The following DCAF4 variants were observed in gnomAD, a reference collection of about 807,000 sequenced individuals.
DCAF4 encodes the protein DDB1- and CUL4-associated factor 4.
Under a neutral mutation model 60.9 loss-of-function variants are expected in DCAF4, and 37 were observed. The observed-to-expected ratio is 0.61, with a 90% CI of 0.47 to 0.80. The LOEUF (loss-of-function observed/expected upper bound fraction) is 0.80. Ranked by LOEUF, DCAF4 falls within the 30% of genes least tolerant of loss-of-function variation. DCAF4 has a pLI of 0.00. For synonymous variants in DCAF4, 243 were observed against 254.8 expected (o/e 0.95, Z 0.44); for missense variants, 577 against 650.0 (o/e 0.89, Z 1.22).
rs1892154421 is a variant in DCAF4 at position 72,955,536 on chromosome 14, T to G, written c.1019T>G (p.Phe340Cys). 1.2e-6 allele frequency: 2 copies of G among 1,613,806 alleles called. No homozygotes were observed. The highest frequency in any genetic ancestry group is 1.1e-5 in the South Asian group (1 of 91,056). ...CTCTTTCCACAGGCTCCTCTGCTGT[T>G]TAATGGCTGCCGCTCTGGGGAAATC... Reference protein sequence around the residue: ...QQFALMAPLLFNGCRSGEIFA... With the variant: ...QQFALMAPLLCNGCRSGEIFA... The change falls in exon 12 of 14, where the codon TTT (phenylalanine) becomes TGT (cysteine). Residue 340 changes from phenylalanine (F) to cysteine (C), a missense_variant. By Grantham distance (205) the Phe-to-Cys change is radical. Coordinates refer to ENST00000358377, the MANE Select transcript of DCAF4 (RefSeq NM_015604.4).
chr14:72,955,661 G>C lies in DCAF4; in HGVS notation c.1144G>C (p.Glu382Gln). The C allele has an allele frequency of 1.2e-6, 2 of 1,614,092 alleles. No individual in the cohort carries two copies. Among genetic ancestry groups the C allele is most frequent in the Non-Finnish European group, 1.7e-6 (2 of 1,180,012 alleles). ...AVTSVRILQD[E>Q]QYLMASDMAG... ...GACCTCTGTGCGGATCCTCCAAGAT[G>C]AGCAATACCTGATGGCTTCAGACAT... The change falls in exon 12 of 14, where the codon GAG becomes CAG. Residue 382 changes from glutamate to glutamine, a missense_variant. Coordinates refer to ENST00000358377, the MANE Select transcript of DCAF4 (RefSeq NM_015604.4).
intron 1 of DCAF4, chr14:72,929,644 C>A: frequency 7.7e-7 from 1 of 1,304,156 alleles, no homozygotes; most frequent in Non-Finnish European, 1.1e-6. Flanking sequence ...TTCCTCATGG[C>A]AGCCAGTACC....
rs148641233 is a variant in DCAF4, at chr14:72,939,999, C to T, written c.193+97C>T. ...AAGGAATTCCAGGAGCAAATTGAAA[C>T]ACTCAGGGAAGGAGCTGGGTGCGTC... is the stretch of plus-strand genomic sequence containing the variant. On this transcript the variant is annotated intron_variant, in intron 3 of 13. Transcript: ENST00000358377. 5.1e-4 allele frequency: 672 copies of T among 1,317,514 alleles called. 2 individuals carry two copies. In the African/African-American group the frequency reaches 9.1e-3, roughly 18 times the overall value. 81.6% of individuals were successfully genotyped at this position (1,317,514 alleles called of 1,614,324 possible).
intron 1 of DCAF4, among the ~76,000 whole-genome samples, chr14:72,935,391 A>T (rs1402842974): frequency 6.6e-6 from 1 of 152,082 alleles, no homozygotes; most frequent in Non-Finnish European, 1.5e-5. Context: ...AGTAACCGGG[A>T]TTACAGGCAC....
chr14:72,955,171 G>A lies in DCAF4; in HGVS notation c.1006-352G>A, dbSNP rs188081701. On this transcript the variant is annotated intron_variant, in intron 11 of 13. Coordinates refer to ENST00000358377, the MANE Select transcript of DCAF4 (RefSeq NM_015604.4). ...CACAGACTTTTCTCTAGAAAATGCC[G>A]TCTTCCCTTAAAAGTGAATGAACCC... 1.3e-4 allele frequency among the ~76,000 whole-genome samples: 19 copies of A among 151,688 alleles called. No homozygotes were observed. In the East Asian group the frequency reaches 1.7e-3, roughly 14 times the overall value.
rs926604326 is a variant in DCAF4, at chr14:72,941,640, A to C, written c.352-105A>C. The stretch of plus-strand genomic sequence containing the variant: ...TTATGCATATAATTTCTGCCAATTT[A>C]GTGCCTGTTTCCTTCATTACATCCT... On this transcript the variant is annotated intron_variant, in intron 4 of 13. Transcript: ENST00000358377. 29 of 1,049,752 alleles carry C rather than the reference A, an allele frequency of 2.8e-5. No individual in the cohort carries two copies. In the African/African-American group the frequency reaches 4.4e-4, roughly 16 times the overall value. 65.0% of individuals were successfully genotyped at this position (1,049,752 alleles called of 1,614,324 possible). A position where few individuals can be genotyped will look rare whatever the true frequency, so the allele number is the denominator to read the frequency against.
At chr14:72,947,536 T>TGAC (rs1594776912) in intron 8 of DCAF4, among the ~76,000 whole-genome samples, 1 of 152,190 alleles carries the variant, frequency 6.6e-6, no homozygotes, top group Admixed American at 6.5e-5. Context: ...CTGTGGCGTG[T>TGAC]GACGGGAGGC....
At chr14:72,936,553 G>T (rs1160739863) in intron 1 of DCAF4, among the ~76,000 whole-genome samples, 1 of 129,340 alleles carries the variant, frequency 7.7e-6, no homozygotes, top group African/African-American at 2.8e-5. Context: ...AACAGAGCGA[G>T]ACTCCATCTC....
At chr14:72,961,205 C>T (rs1892807238), downstream of DCAF4, among the ~76,000 whole-genome samples, 1 of 152,114 alleles carries the variant, frequency 6.6e-6, no homozygotes, top group South Asian at 2.1e-4. Context: ...CTCACACTAA[C>T]CCCACGGCAC....
At position 72,943,042 on chromosome 14, in the gene DCAF4, G is replaced by C; in HGVS notation, c.480G>C (p.Gln160His). The C allele has an allele frequency of 6.2e-7, 1 of 1,614,190 alleles. No individual in the cohort carries two copies. The highest frequency in any genetic ancestry group is 8.5e-7 in the Non-Finnish European group (1 of 1,180,020). ...GCTGCATGGAGAGGAAAAAGGTCCA[G>C]ATTCGAAGCATGGATCCCTCCGCCT... is the stretch of plus-strand genomic sequence containing the variant. The part of the protein sequence containing the change: ...RLSCMERKKV[Q>H]IRSMDPSALA... The change falls in exon 6 of 14, where the codon CAG becomes CAC. Residue 160 changes from glutamine (Q) to histidine (H), a missense_variant. Coordinates refer to ENST00000358377, the MANE Select transcript of DCAF4 (RefSeq NM_015604.4).
chr14:72,945,876 T>G lies in DCAF4; in HGVS notation c.535-8T>G. The G allele has an allele frequency of 1.9e-6, 3 of 1,614,158 alleles. No individual in the cohort carries two copies. Among genetic ancestry groups the G allele is most frequent in the Non-Finnish European group, 2.5e-6 (3 of 1,180,018 alleles). On this transcript the variant is annotated splice_polypyrimidine_tract_variant and splice_region_variant and intron_variant, in intron 6 of 13. Coordinates refer to ENST00000358377, the MANE Select transcript of DCAF4 (RefSeq NM_015604.4). ...GGACGTCACCCACTGCCCCCTTCCC[T>G]TCTCCAGGCAGATACCAACAGTGAC...
intron 1 of DCAF4, among the ~76,000 whole-genome samples, chr14:72,934,865 A>G (rs1056339984): frequency 9.9e-5 from 15 of 152,236 alleles, no homozygotes; most frequent in African/African-American, 3.6e-4. Flanking sequence ...GTAAGTGGAA[A>G]TAACCCAGAG....
intron 8 of DCAF4, among the ~76,000 whole-genome samples, chr14:72,947,422 T>G (rs1484348812): frequency 6.6e-6 from 1 of 152,186 alleles, no homozygotes; most frequent in Non-Finnish European, 1.5e-5. Context: ...CAAGGTGACA[T>G]TGATGTCACT....
chr14:72,927,496 C>G (rs948112877), intron 1 of DCAF4, among the ~76,000 whole-genome samples: 1 of 152,042 alleles, frequency 6.6e-6, no homozygotes. Context: ...GGGCTACAGG[C>G]GACCACCACC....
In DCAF4 at chr14:72,928,187, C is replaced by CTTTTTTTTTTTTTTTTTTTTTTTTTT. The variant is rs565229070; in HGVS notation, c.-9+1667_-9+1668insTTTTTTTTTTTTTTTTTTTTTTTTTT. Among the ~76,000 whole-genome samples the CTTTTTTTTTTTTTTTTTTTTTTTTTT allele has an allele frequency of 4.0e-4, 27 of 67,276 alleles. 6 individuals carry two copies. Among genetic ancestry groups the CTTTTTTTTTTTTTTTTTTTTTTTTTT allele is most frequent in the African/African-American group, 1.7e-3 (26 of 15,108 alleles). 44.1% of individuals were successfully genotyped at this position (67,276 alleles called of 152,430 possible). On this transcript the variant is annotated intron_variant, in intron 1 of 13. Coordinates refer to ENST00000358377, the MANE Select transcript of DCAF4 (RefSeq NM_015604.4). The stretch of plus-strand genomic sequence containing the variant: ...CCCGCTAGTCTACAGAATCCCCCCA[C>CTTTTTTTTTTTTTTTTTTTTTTTTTT]TTTTTTTTTTTTTTTTTTTTTTTGA...
At chr14:72,929,595 A>T (rs978606742) in intron 1 of DCAF4, 1 of 954,380 alleles carries the variant, frequency 1.0e-6, no homozygotes, top group Non-Finnish European at 1.7e-6. Context: ...TTTCAGGAAG[A>T]GGGCAGGGGA....
At chr14:72,932,503 A>T (rs1273642756) in intron 1 of DCAF4, among the ~76,000 whole-genome samples, 10 of 152,226 alleles carry the variant, frequency 6.6e-5, no homozygotes, top group Admixed American at 6.5e-4. Flanking sequence ...TGTGATTAAC[A>T]TTGCCTTTGC....
chr14:72,934,506 T>G (rs1429506231), intron 1 of DCAF4, among the ~76,000 whole-genome samples: 2 of 152,120 alleles, frequency 1.3e-5, no homozygotes, highest in Non-Finnish European at 2.9e-5. Context: ...GTCAGGCTGG[T>G]CTCAAACTGC....
chr14:72,933,323 G>A (rs1888817358), intron 1 of DCAF4, among the ~76,000 whole-genome samples: 1 of 152,158 alleles, frequency 6.6e-6, no homozygotes, highest in South Asian at 2.1e-4. Flanking sequence ...CACTTTGGGA[G>A]GCCGAGATGG....
Sources: allele counts gnomAD v4.1 joint callset (sites outside exome capture counted in the v4.1 genomes callset), GRCh38; gene constraint gnomAD v4.1.1; transcripts MANE v1.5; gene names NCBI Gene and HGNC (gene_info 2026-07-23, HGNC 2026-07-21).